The following TINAG variants were observed in gnomAD, a reference collection of about 807,000 sequenced individuals.
TINAG encodes tubulointerstitial nephritis antigen.
In TINAG, 83 loss-of-function variants were observed where a neutral mutation model predicts 72.7. The ratio of observed to expected loss-of-function variants is 1.14; its 90% CI spans 0.96 to 1.37. TINAG has a LOEUF of 1.37. TINAG is among the 40% of genes most tolerant of loss of function. The pLI is 0.00. For synonymous variants in TINAG, 234 were observed against 189.9 expected, an observed-to-expected ratio of 1.23 and a Z score of -1.91; for missense variants, 685 against 576.6, an observed-to-expected ratio of 1.19 and a Z score of -1.93.
chr6:54,338,361 T>C (rs994820418), intron 4 of TINAG, among the ~76,000 whole-genome samples: 1 of 152,148 alleles, frequency 6.6e-6, no homozygotes, highest in Non-Finnish European at 1.5e-5. Context: ...TGTGTGTTCA[T>C]AGTACAGGCA....
chr6:54,360,841 GTTTTTTTTTTTTTT>G (rs70983415), intron 9 of TINAG, among the ~76,000 whole-genome samples: 42 of 26,254 alleles, frequency 1.6e-3, no homozygotes, highest in South Asian at 9.2e-3. Context: ...CAGATACTGT[GTTTTTTTTTTTTTT>G]TTTTTTTTTT....
At chr6:54,328,280 G>T (rs1274966640) in intron 4 of TINAG, among the ~76,000 whole-genome samples, 1 of 152,074 alleles carries the variant, frequency 6.6e-6, no homozygotes, top group Non-Finnish European at 1.5e-5. Flanking sequence ...GGAGCAGGCA[G>T]CAATCTTTGC....
At chr6:54,386,313 T>C (rs1199503720) in intron 10 of TINAG, among the ~76,000 whole-genome samples, 1 of 152,218 alleles carries the variant, frequency 6.6e-6, no homozygotes, top group African/African-American at 2.4e-5. Flanking sequence ...ATCGCAGTGT[T>C]TCTGTGGGTC....
chr6:54,346,841 T>C (rs1785135248), intron 5 of TINAG, among the ~76,000 whole-genome samples: 1 of 152,060 alleles, frequency 6.6e-6, no homozygotes, highest in Non-Finnish European at 1.5e-5. Context: ...TTAAATTAGA[T>C]TAAACCAGTT....
intron 9 of TINAG, among the ~76,000 whole-genome samples, chr6:54,371,997 T>G (rs1022460471): frequency 7.0e-6 from 1 of 142,256 alleles, no homozygotes; most frequent in African/African-American, 2.6e-5. Flanking sequence ...TTTTTTTTTT[T>G]TTTTTTTTTT....
chr6:54,317,422 T>C (rs894540170), intron 1 of TINAG, among the ~76,000 whole-genome samples: 1 of 152,090 alleles, frequency 6.6e-6, no homozygotes, highest in East Asian at 1.9e-4. Context: ...GCTGTTCTTG[T>C]AGTAGTGAAT....
intron 4 of TINAG, among the ~76,000 whole-genome samples, chr6:54,339,103 G>A (rs1784938163): frequency 6.6e-6 from 1 of 152,056 alleles, no homozygotes; most frequent in Admixed American, 6.6e-5. Context: ...ATTTGTTGAT[G>A]CCTTGGGTTC....
chr6:54,340,413 A>G (rs901198916), intron 4 of TINAG, among the ~76,000 whole-genome samples: 9 of 152,168 alleles, frequency 5.9e-5, no homozygotes, highest in African/African-American at 2.2e-4. Context: ...AAAAAAATTA[A>G]AAACAAATGT....
At chr6:54,309,886 A>G (rs1241240563) in intron 1 of TINAG, among the ~76,000 whole-genome samples, 1 of 150,240 alleles carries the variant, frequency 6.7e-6, no homozygotes, top group Non-Finnish European at 1.5e-5. Flanking sequence ...CATCATTCTC[A>G]ATAATGTCAT....
At chr6:54,380,680 T>A in intron 10 of TINAG, 109 bp downstream of exon 10, 1 of 753,100 alleles carries the variant, frequency 1.3e-6, no homozygotes, top group Non-Finnish European at 2.1e-6. Flanking sequence ...AGCTGTGTAA[T>A]ATTGTTGATA....
intron 1 of TINAG, among the ~76,000 whole-genome samples, chr6:54,319,499 A>T (rs140530304): frequency 3.0e-3 from 457 of 152,284 alleles, no homozygotes; most frequent in Non-Finnish European, 5.4e-3. Context: ...TATGAAAGGG[A>T]TGCCTAGACG....
chr6:54,363,113 A>G (rs143449788), intron 9 of TINAG, among the ~76,000 whole-genome samples: 1 of 151,716 alleles, frequency 6.6e-6, no homozygotes, highest in African/African-American at 2.4e-5. Flanking sequence ...TGAAGTCCCT[A>G]TGCTTAGAAG....
intron 4 of TINAG, among the ~76,000 whole-genome samples, chr6:54,340,277 A>G (rs911701837): frequency 1.4e-4 from 21 of 152,144 alleles, no homozygotes; most frequent in Admixed American, 1.4e-3. Flanking sequence ...AATTAAGCAT[A>G]TCTATATGAA....
At chr6:54,330,180 A>G (rs1784704474) in intron 4 of TINAG, among the ~76,000 whole-genome samples, 1 of 152,172 alleles carries the variant, frequency 6.6e-6, no homozygotes, top group Non-Finnish European at 1.5e-5. Flanking sequence ...TCTTCTCAGC[A>G]CCACATAACA....
intron 4 of TINAG, among the ~76,000 whole-genome samples, chr6:54,331,363 A>T (rs554490344): frequency 6.6e-6 from 1 of 152,240 alleles, no homozygotes; most frequent in African/African-American, 2.4e-5. Flanking sequence ...AAACCACATG[A>T]TTATCTCAAT....
intron 1 of TINAG, 97 bp from the exon 2 acceptor site, chr6:54,320,482 A>T: frequency 2.0e-6 from 2 of 1,020,546 alleles, no homozygotes; most frequent in East Asian, 4.9e-5. Context: ...ATGTCTGCAT[A>T]TTTGAAAAGC....
At chr6:54,342,846 TTAAAA>T (rs1168783148) in intron 4 of TINAG, among the ~76,000 whole-genome samples, 3 of 152,130 alleles carry the variant, frequency 2.0e-5, no homozygotes, top group African/African-American at 7.2e-5. Context: ...CATAAACTCT[TTAAAA>T]TAGGAGAGAC....
rs1191223157 is a variant in TINAG, at chr6:54,310,867, CTCTT to C, written c.355+1968_355+1971del. Among the ~76,000 whole-genome samples the C allele has an allele frequency of 7.3e-5, 10 of 136,150 alleles. No individual in the cohort carries two copies. The South Asian group carries it at 2.0e-3, about 27-fold the overall frequency. The allele number at this position is 136,150 out of a possible 152,430, so 89.3% of individuals were successfully genotyped here. Reference sequence around the variant, plus strand: ...TCTCTCTTTCTCTCGCTCTTTCTTTCTCTTTCTTTTTTTCTCTCTCTATTTCTCT... The same window carrying C: ...TCTCTCTTTCTCTCGCTCTTTCTTTCTCTTTTTTTCTCTCTCTATTTCTCT... On this transcript the variant is annotated intron_variant, in intron 1 of 10. Coordinates refer to ENST00000259782, the MANE Select transcript of TINAG (RefSeq NM_014464.4).
intron 9 of TINAG, among the ~76,000 whole-genome samples, chr6:54,377,553 G>T (rs1249900042): frequency 6.6e-6 from 1 of 151,902 alleles, no homozygotes; most frequent in African/African-American, 2.4e-5. Context: ...CTTCAGTAAA[G>T]TAAGGTTCTG....
Sources: gnomAD v4.1 joint callset for allele counts (sites outside exome capture counted in the v4.1 genomes callset) on GRCh38, gnomAD v4.1.1 for gene constraint, MANE v1.5 for transcripts, NCBI Gene and HGNC (gene_info 2026-07-23, HGNC 2026-07-21) for gene names.